Variants in USP49 observed in about 807,000 individuals in gnomAD.
The protein encoded by USP49 is ubiquitin specific peptidase 49, also known as ubiquitin carboxyl-terminal hydrolase 49.
Under a neutral mutation model 58.6 loss-of-function variants are expected in USP49, and 24 were observed. The ratio of observed to expected loss-of-function variants is 0.41; its 90% confidence interval spans 0.30 to 0.58. The LOEUF is 0.58. USP49 is among the 20% of genes least tolerant of loss of function. USP49 has a pLI of 0.30. For missense variants in USP49, 703 were observed against 866.1 expected, an observed-to-expected ratio of 0.81 and a Z score of 2.36; for synonymous variants, 408 against 365.1, an observed-to-expected ratio of 1.12 and a Z score of -1.34.
Position 41,895,309 on chromosome 6 carries a change from G to A in USP49, c.-185+15C>T, listed in dbSNP as rs1461247687. 10 of 90,936 alleles carry A rather than the reference G, an allele frequency of 1.1e-4. No homozygotes were observed. In the Admixed American group the frequency reaches 1.2e-3, roughly 11 times the overall value. The allele number at this position is 90,936 out of a possible 1,614,324, so 5.6% of individuals were successfully genotyped here. On this transcript the variant is annotated intron_variant, in intron 1 of 7. Coordinates refer to ENST00000682992, the MANE Select transcript of USP49 (RefSeq NM_001286554.2). ...CCCACCTCCTCCGTCCCCTCCCCCGGCCCCCTCTATTTACCGCCATCATCA... is the reference window on the plus strand; with the variant it reads ...CCCACCTCCTCCGTCCCCTCCCCCGACCCCCTCTATTTACCGCCATCATCA...
chr6:41,850,070 T>G (rs1773997421), intron 3 of USP49, among the ~76,000 whole-genome samples: 1 of 151,932 alleles, frequency 6.6e-6, no homozygotes, highest in African/African-American at 2.4e-5. Context: ...CAAATAAAAA[T>G]GAAAATGTAT....
chr6:41,852,116 A>C (rs796836649), intron 3 of USP49, among the ~76,000 whole-genome samples: 16 of 152,246 alleles, frequency 1.1e-4, no homozygotes, highest in African/African-American at 3.9e-4. Context: ...ACCTGAAGTC[A>C]GGAGTTCGAG....
In USP49 at chr6:41,803,183, C is replaced by T. The variant is rs1773050360; in HGVS notation, c.1561+623G>A. On this transcript the variant is annotated intron_variant, in intron 5 of 7. Transcript: ENST00000682992. The surrounding 1 kb of genome is among the most constrained non-coding windows in gnomAD (Gnocchi z 4.1). ...GCAGCAGCCCCACAGCACTAAGAAG[C>T]TAAGTACTAACATTCTCAGAGTCCC... 6.6e-6 allele frequency among the ~76,000 whole-genome samples: 1 copy of T among 152,184 alleles called. No homozygotes were observed. The highest frequency in any genetic ancestry group is 2.1e-4 in the South Asian group (1 of 4,830).
At chr6:41,884,941 A>C (rs1192126836) in intron 2 of USP49, among the ~76,000 whole-genome samples, 10 of 152,244 alleles carry the variant, frequency 6.6e-5, no homozygotes, top group African/African-American at 2.4e-4. Flanking sequence ...TAAATGAAAA[A>C]TCAAAATACA....
intron 2 of USP49, among the ~76,000 whole-genome samples, chr6:41,881,288 CAAAA>C (rs57022965): frequency 9.8e-5 from 2 of 20,388 alleles, no homozygotes; most frequent in African/African-American, 2.5e-4. Context: ...CATTAAATAC[CAAAA>C]AAAAAAAAAA....
At chr6:41,855,096 T>C (rs1336701680) in intron 3 of USP49, among the ~76,000 whole-genome samples, 4 of 151,988 alleles carry the variant, frequency 2.6e-5, no homozygotes, top group Admixed American at 2.0e-4. Flanking sequence ...AATCTTATAA[T>C]TCTATTATTT....
At chr6:41,879,777 G>C (rs114900665) in intron 2 of USP49, among the ~76,000 whole-genome samples, 1 of 152,210 alleles carries the variant, frequency 6.6e-6, no homozygotes, top group Non-Finnish European at 1.5e-5. Flanking sequence ...AGCCAGGTTT[G>C]TAAGCCCTAA....
intron 1 of USP49, among the ~76,000 whole-genome samples, chr6:41,893,426 G>C (rs1240518042): frequency 2.0e-5 from 3 of 152,114 alleles, no homozygotes; most frequent in Non-Finnish European, 4.4e-5. Context: ...GCAGAAATCT[G>C]GTTGATTAAT....
At chr6:41,845,549 T>C (rs1409683889) in intron 3 of USP49, among the ~76,000 whole-genome samples, 1 of 149,566 alleles carries the variant, frequency 6.7e-6, no homozygotes, top group Non-Finnish European at 1.5e-5. Flanking sequence ...AAGCTGGGCA[T>C]GGTGGTATGT....
chr6:41,799,102 ATTTAT>A lies in USP49; in HGVS notation c.1671-178_1671-174del, dbSNP rs1351458256. Among the ~76,000 whole-genome samples, 10 of 151,324 alleles carry A rather than the reference ATTTAT, an allele frequency of 6.6e-5. 1 individual carries two copies. The highest frequency in any genetic ancestry group is 2.4e-4 in the African/African-American group (10 of 41,224). On this transcript the variant is annotated intron_variant, in intron 6 of 7. Transcript: ENST00000682992. ...CACTTATTTATTTATTTATTTATTT[ATTTAT>A]TTATTTATTTTCAGACAGGGTCTCA...
rs1157136793 is a variant in USP49 at position 41,790,276 on chromosome 6, C to CA, written c.*6256dup. 6.6e-6 allele frequency: 1 copy of CA among 152,082 alleles called. No homozygotes were observed. The highest frequency in any genetic ancestry group is 2.4e-5 in the African/African-American group (1 of 41,406). The allele number at this position is 152,082 out of a possible 1,614,324, so 9.4% of individuals were successfully genotyped here. Reference sequence around the variant, plus strand: ...GAGGGCAGTGATGTGTAGGGGGAGGCAAAGTGAAGTAAGCCTGGGCAGTGG... The same window carrying CA: ...GAGGGCAGTGATGTGTAGGGGGAGGCAAAAGTGAAGTAAGCCTGGGCAGTGG... On this transcript the variant is annotated 3_prime_UTR_variant, in exon 8 of 8. Transcript: ENST00000682992.
At chr6:41,864,776 T>G (rs909667569) in intron 3 of USP49, among the ~76,000 whole-genome samples, 17 of 152,134 alleles carry the variant, frequency 1.1e-4, no homozygotes, top group African/African-American at 3.4e-4. Context: ...CGGCTGAAGT[T>G]AGTGAGTGAT....
intron 3 of USP49, among the ~76,000 whole-genome samples, chr6:41,845,307 G>T (rs1021990670): frequency 6.6e-6 from 1 of 152,070 alleles, no homozygotes; most frequent in Non-Finnish European, 1.5e-5. Context: ...GGAGGCCGAG[G>T]CAGGCAGATC....
At chr6:41,865,108 A>C (rs879865692) in intron 3 of USP49, among the ~76,000 whole-genome samples, 2 of 151,866 alleles carry the variant, frequency 1.3e-5, no homozygotes, top group African/African-American at 2.4e-5. Context: ...GCAATGGTGC[A>C]ATCTCGGCTT....
chr6:41,806,225 C>T lies in USP49; in HGVS notation c.759G>A (p.Thr253=), dbSNP rs1241888822. ...RRQPAMAPGV[T]GLRNLGNTCY... The stretch of plus-strand genomic sequence containing the variant: ...AGGTGTTGCCCAGGTTGCGCAGGCC[C>T]GTGACGCCTGGGGCCATGGCCGGCT... Residue 253 remains threonine, a synonymous_variant, in exon 4 of 8, where the codon ACG becomes ACA. Coordinates refer to ENST00000682992, the MANE Select transcript of USP49 (RefSeq NM_001286554.2). This position sits in a 1 kb window ranked among gnomAD's most constrained non-coding sequence, Gnocchi z 5.9. The T allele has an allele frequency of 1.2e-6, 2 of 1,611,424 alleles. No homozygotes were observed. Among genetic ancestry groups the T allele is most frequent in the Non-Finnish European group, 1.7e-6 (2 of 1,179,992 alleles).
chr6:41,830,348 A>G (rs2127341098), intron 3 of USP49, among the ~76,000 whole-genome samples: 1 of 152,348 alleles, frequency 6.6e-6, no homozygotes, highest in Admixed American at 6.5e-5. Flanking sequence ...GTTCAGATGA[A>G]GATCCAAAAA....
intron 3 of USP49, among the ~76,000 whole-genome samples, chr6:41,855,925 G>A (rs921588378): frequency 2.0e-5 from 3 of 152,086 alleles, no homozygotes; most frequent in Admixed American, 6.6e-5. Context: ...GTGCATGCCT[G>A]TAATCCCAGC....
chr6:41,872,779 G>A (rs10947992), intron 2 of USP49, among the ~76,000 whole-genome samples: 27,279 of 149,342 alleles, frequency 0.18, 3,081 homozygotes, highest in East Asian at 0.29. Context: ...GGTGGCAGGC[G>A]CCTGTAGTCC....
chr6:41,816,163 GAGACACAC>G (rs1773346649), intron 3 of USP49, among the ~76,000 whole-genome samples: 1 of 152,154 alleles, frequency 6.6e-6, no homozygotes, highest in African/African-American at 2.4e-5. Context: ...AAAAGAGAGA[GAGACACAC>G]AGACAGACAG....
Sources: allele counts gnomAD v4.1 joint callset (sites outside exome capture counted in the v4.1 genomes callset), GRCh38; gene constraint gnomAD v4.1.1; non-coding constraint Gnocchi (gnomAD v3.1); transcripts MANE v1.5; gene names NCBI Gene and HGNC (gene_info 2026-07-23, HGNC 2026-07-21).